TBC1D30: variants seen among roughly 807,000 people sequenced by gnomAD.
TBC1D30 encodes the protein TBC1 domain family member 30, also known as TBC1 domain family, member 30.
Under a neutral mutation model 63.2 loss-of-function variants are expected in TBC1D30, and 31 were observed. The ratio of observed to expected loss-of-function variants is 0.49; its 90% CI spans 0.37 to 0.66. The LOEUF (loss-of-function observed/expected upper bound fraction) is 0.66, where lower values mean the gene tolerates loss of function less well. Ranked by LOEUF, TBC1D30 falls within the 30% of genes least tolerant of loss-of-function variation. TBC1D30 has a pLI of 0.00. For missense variants in TBC1D30, 810 were observed against 953.6 expected, an observed-to-expected ratio of 0.85 and a Z score of 1.98; for synonymous variants, 307 against 361.5, an observed-to-expected ratio of 0.85 and a Z score of 1.71.
intron 3 of TBC1D30, among the ~76,000 whole-genome samples, chr12:64,829,835 G>A (rs1423683345): frequency 6.6e-6 from 1 of 152,166 alleles, no homozygotes; most frequent in East Asian, 1.9e-4. Context: ...TTCTGGATAA[G>A]ATAATCAAAG....
chr12:64,805,734 G>C (rs986804699), intron 2 of TBC1D30, among the ~76,000 whole-genome samples: 1 of 152,114 alleles, frequency 6.6e-6, no homozygotes, highest in Non-Finnish European at 1.5e-5. Context: ...TTGGGAGGTG[G>C]AGGCAGGAGA....
In TBC1D30 at chr12:64,875,013, T is replaced by A. The variant is rs1310056655; in HGVS notation, c.1511T>A (p.Val504Glu). The A allele has an allele frequency of 1.3e-6, 2 of 1,536,028 alleles. No homozygotes were observed. Among genetic ancestry groups the A allele is most frequent in the Admixed American group, 3.9e-5 (2 of 50,946 alleles). The change falls in exon 12 of 12, where the codon GTG becomes GAG. Residue 504 changes from valine to glutamate, a missense_variant. By Grantham distance (121) the Val-to-Glu change is moderately radical. Around this residue, in one of 4 missense-constraint regions of TBC1D30, gnomAD observed 450 missense variants for 473.0 expected, o/e 0.95. Coordinates refer to ENST00000539867, the MANE Select transcript of TBC1D30 (RefSeq NM_015279.2). ...ACATTTCTTTCAGACAAAGGGCCAG[T>A]GACCAGCATTCTCCCGTCTCAGGTA... ...QVYIRADKGP[V>E]TSILPSQVNS...
At chr12:64,823,183 CTTAT>C (rs1299145898), upstream of TBC1D30, among the ~76,000 whole-genome samples, 10 of 152,048 alleles carry the variant, frequency 6.6e-5, no homozygotes, top group Admixed American at 6.5e-4. Flanking sequence ...TGTTAGCATA[CTTAT>C]TTATTTGCTT....
intron 1 of TBC1D30, among the ~76,000 whole-genome samples, chr12:64,782,989 C>T (rs1871368479): frequency 6.6e-6 from 1 of 152,160 alleles, no homozygotes; most frequent in Admixed American, 6.5e-5. Context: ...GGTGATGATA[C>T]AGCTGTCTGC....
chr12:64,814,714 A>C (rs1268584114), intron 2 of TBC1D30, among the ~76,000 whole-genome samples: 1 of 152,226 alleles, frequency 6.6e-6, no homozygotes, highest in African/African-American at 2.4e-5. Flanking sequence ...TATTAAGTAC[A>C]TGAGTATAAT....
In TBC1D30 at chr12:64,870,586, C is replaced by T. The variant is rs1293819097; in HGVS notation, c.1292-16C>T. 8 of 1,534,934 alleles carry T rather than the reference C, an allele frequency of 5.2e-6. No individual in the cohort carries two copies. Among genetic ancestry groups the T allele is most frequent in the Admixed American group, 2.0e-5 (1 of 50,970 alleles). On this transcript the variant is annotated splice_polypyrimidine_tract_variant and intron_variant, in intron 10 of 11. Coordinates refer to ENST00000539867, the MANE Select transcript of TBC1D30 (RefSeq NM_015279.2). Reference sequence around the variant, plus strand: ...CTCCACCGACCATCTCCTTATGTCTCATCCTTCGAGCGCAGAGCCAAATGA... The same window carrying T: ...CTCCACCGACCATCTCCTTATGTCTTATCCTTCGAGCGCAGAGCCAAATGA...
Position 64,870,652 on chromosome 12 carries a change from C to T in TBC1D30, c.1342C>T (p.Pro448Ser). The change falls in exon 11 of 12, where the codon CCA (proline) becomes TCA (serine). Residue 448 changes from proline (P) to serine (S), a missense_variant. Around this residue, in one of 4 missense-constraint regions of TBC1D30, gnomAD observed 450 missense variants for 473.0 expected, o/e 0.95. Transcript: ENST00000539867. ...LRSNNIAELSPGAINSCRSEY... is the reference protein window; with the variant it reads ...LRSNNIAELSSGAINSCRSEY... ...ATCTAATAACATTGCAGAGCTGAGT[C>T]CAGGAGCAATCAATTCCTGTCGAAG... The T allele has an allele frequency of 6.5e-7, 1 of 1,536,128 alleles. No homozygotes were observed. The highest frequency in any genetic ancestry group is 8.7e-7 in the Non-Finnish European group (1 of 1,146,896).
At chr12:64,823,787 T>C (rs1409071613), upstream of TBC1D30, among the ~76,000 whole-genome samples, 2 of 152,172 alleles carry the variant, frequency 1.3e-5, no homozygotes, top group East Asian at 3.8e-4. Flanking sequence ...TCCATCATCC[T>C]GGTTTTTTAA....
At chr12:64,787,524 C>A in intron 2 of TBC1D30, 1 of 239,292 alleles carries the variant, frequency 4.2e-6, no homozygotes, top group Non-Finnish European at 6.8e-6. Flanking sequence ...GCTTTTTTTT[C>A]AAAATTGCAA....
chr12:64,871,232 G>A (rs1026432265), intron 11 of TBC1D30, among the ~76,000 whole-genome samples: 6 of 152,148 alleles, frequency 3.9e-5, no homozygotes, highest in African/African-American at 1.4e-4. Flanking sequence ...AACAGATGTT[G>A]TATCAGAGAA....
chr12:64,768,143 GA>G (rs1565633804), intron 1 of TBC1D30, among the ~76,000 whole-genome samples: 1 of 151,902 alleles, frequency 6.6e-6, no homozygotes, highest in African/African-American at 2.4e-5. Context: ...TCAAAAAGCA[GA>G]AAAAATGTGC....
At chr12:64,798,798 C>T (rs896417789) in intron 2 of TBC1D30, among the ~76,000 whole-genome samples, 3 of 146,888 alleles carry the variant, frequency 2.0e-5, no homozygotes, top group South Asian at 4.4e-4. Flanking sequence ...GGTCTGGCTT[C>T]AGGCACCTTT....
intron 5 of TBC1D30, among the ~76,000 whole-genome samples, chr12:64,835,182 C>T (rs138374950): frequency 6.6e-6 from 1 of 152,118 alleles, no homozygotes; most frequent in African/African-American, 2.4e-5. Context: ...GATGATGTTA[C>T]GTGTACCTGG....
intron 1 of TBC1D30, among the ~76,000 whole-genome samples, chr12:64,785,147 C>CTTTT (rs3033154): frequency 7.4e-6 from 1 of 134,844 alleles, no homozygotes. Context: ...ACTTTAAAGA[C>CTTTT]TTTTTTTTTT....
chr12:64,825,179 C>A (rs1874205107), intron 1 of TBC1D30, 146 bp downstream of exon 1: 2 of 1,241,140 alleles, frequency 1.6e-6, no homozygotes, highest in Non-Finnish European at 2.2e-6. Flanking sequence ...TTGGCACCTG[C>A]AGGGAGCGAT....
chr12:64,798,391 G>A (rs1872401721), intron 2 of TBC1D30, among the ~76,000 whole-genome samples: 1 of 152,162 alleles, frequency 6.6e-6, no homozygotes, highest in South Asian at 2.1e-4. Context: ...CTAACAAATG[G>A]TGGTTTTCAC....
chr12:64,855,506 T>C (rs1164300479), intron 8 of TBC1D30, among the ~76,000 whole-genome samples: 1 of 152,198 alleles, frequency 6.6e-6, no homozygotes, highest in Non-Finnish European at 1.5e-5. Flanking sequence ...ATAGGCATAC[T>C]TCATTATTTT....
In TBC1D30 at chr12:64,877,036, G is replaced by A. The variant is rs1223838134; in HGVS notation, c.*1248G>A. The A allele has an allele frequency of 1.8e-5, 7 of 379,622 alleles. No individual in the cohort carries two copies. The highest frequency in any genetic ancestry group is 3.7e-5 in the Non-Finnish European group (7 of 188,128). The allele number at this position is 379,622 out of a possible 1,614,324, so 23.5% of individuals were successfully genotyped here. A position where few individuals can be genotyped will look rare whatever the true frequency, so the allele number is the denominator to read the frequency against. ...CACAGATGTATTGGCTACATAGCGTGTAAAAACCAAGACTGGGAAGCCATT... is the reference window on the plus strand; with the variant it reads ...CACAGATGTATTGGCTACATAGCGTATAAAAACCAAGACTGGGAAGCCATT... On this transcript the variant is annotated 3_prime_UTR_variant, in exon 12 of 12. Transcript: ENST00000539867.
chr12:64,764,460 G>A (rs1870632642), intron 1 of TBC1D30, among the ~76,000 whole-genome samples: 2 of 152,082 alleles, frequency 1.3e-5, no homozygotes, highest in Non-Finnish European at 2.9e-5. Context: ...TCCATCTCTG[G>A]CCACGATGGA....
Sources: gnomAD v4.1 joint callset for allele counts (sites outside exome capture counted in the v4.1 genomes callset) on GRCh38, gnomAD v4.1.1 for gene constraint, gnomAD v4.1.1 regional missense constraint, MANE v1.5 for transcripts, NCBI Gene and HGNC (gene_info 2026-07-23, HGNC 2026-07-21) for gene names.